The following SUMF1 variants were observed in gnomAD, a reference collection of about 807,000 sequenced individuals.
The protein encoded by SUMF1 is sulfatase modifying factor 1, also known as formylglycine-generating enzyme.
SUMF1 carries 48 observed loss-of-function variants against 47.6 expected under a neutral mutation model. The ratio of observed to expected loss-of-function variants is 1.01; its 90% confidence interval spans 0.80 to 1.28. The LOEUF is 1.28. Among genes scored for constraint, SUMF1 ranks in the 50% most tolerant of loss-of-function variants. SUMF1 has a pLI of 0.00. For synonymous variants in SUMF1, 230 were observed against 192.1 expected (o/e 1.20, Z -1.63); for missense variants, 571 against 485.4 (o/e 1.18, Z -1.66).
At chr3:4,299,503 T>A (rs1697921250) in intron 8 of SUMF1, among the ~76,000 whole-genome samples, 3 of 152,238 alleles carry the variant, frequency 2.0e-5, no homozygotes, top group Non-Finnish European at 2.9e-5. Flanking sequence ...AATTTATACA[T>A]ATCAAATGTT....
At chr3:4,337,183 GTCCCTCCC>G (rs112358792) in intron 8 of SUMF1, among the ~76,000 whole-genome samples, 96,838 of 129,112 alleles carry the variant, frequency 0.75, 36,633 homozygotes, top group African/African-American at 0.87. Context: ...TCTCTTTTCT[GTCCCTCCC>G]TCCCTCCCTC....
chr3:4,393,531 C>G (rs1284818777), intron 7 of SUMF1, among the ~76,000 whole-genome samples: 2 of 152,092 alleles, frequency 1.3e-5, no homozygotes, highest in African/African-American at 2.4e-5. Context: ...CAACATCTCA[C>G]TATATTGACC....
chr3:4,068,208 T>TTA (rs1415635909), intron 9 of SUMF1, among the ~76,000 whole-genome samples: 8 of 152,244 alleles, frequency 5.3e-5, no homozygotes, highest in Non-Finnish European at 2.9e-5. Context: ...AAATTAAAAC[T>TTA]TAAAGATTAT....
intron 8 of SUMF1, among the ~76,000 whole-genome samples, chr3:4,099,589 T>C (rs945637048): frequency 2.5e-4 from 38 of 152,078 alleles, no homozygotes; most frequent in African/African-American, 8.0e-4. Flanking sequence ...CTGTTTAACA[T>C]AGTACTAGAA....
intron 8 of SUMF1, among the ~76,000 whole-genome samples, chr3:4,093,363 A>G (rs983559435): frequency 2.0e-5 from 3 of 152,114 alleles, no homozygotes; most frequent in Non-Finnish European, 2.9e-5. Flanking sequence ...CTGGCCACAA[A>G]AACTCTCACT....
intron 8 of SUMF1, among the ~76,000 whole-genome samples, chr3:4,184,145 T>TAA (rs575408617): frequency 1.4e-4 from 20 of 139,934 alleles, no homozygotes; most frequent in Middle Eastern, 3.7e-3. Context: ...GAAAAAAAAT[T>TAA]AAAAAAAAAA....
chr3:4,161,918 C>T (rs1328266519), intron 8 of SUMF1, among the ~76,000 whole-genome samples: 2 of 152,028 alleles, frequency 1.3e-5, no homozygotes, highest in African/African-American at 4.8e-5. Context: ...CTGGGTCACA[C>T]TGGAAGCCAG....
At chr3:4,293,632 A>T (rs1174648140) in intron 8 of SUMF1, among the ~76,000 whole-genome samples, 3 of 152,194 alleles carry the variant, frequency 2.0e-5, no homozygotes, top group Non-Finnish European at 4.4e-5. Context: ...TAACATTCGA[A>T]TGTCACAAAG....
At chr3:4,398,838 A>G (rs1386892437) in intron 7 of SUMF1, among the ~76,000 whole-genome samples, 1 of 152,194 alleles carries the variant, frequency 6.6e-6, no homozygotes, top group Non-Finnish European at 1.5e-5. Context: ...CTGATTTAAC[A>G]TATGTGGCTT....
chr3:4,050,039 T>C (rs1695078722), intron 9 of SUMF1, among the ~76,000 whole-genome samples: 1 of 151,946 alleles, frequency 6.6e-6, no homozygotes, highest in African/African-American at 2.4e-5. Context: ...CCCACGCCAT[T>C]CTGCCACTTG....
chr3:4,449,213 C>T (rs989010572), intron 3 of SUMF1, 53 bp downstream of exon 3: 3 of 1,602,770 alleles, frequency 1.9e-6, no homozygotes, highest in African/African-American at 2.7e-5. Context: ...TTCACCCAAA[C>T]CCTTTTCAAT....
intron 8 of SUMF1, among the ~76,000 whole-genome samples, chr3:4,154,776 A>G (rs1007654971): frequency 1.3e-5 from 2 of 151,602 alleles, no homozygotes; most frequent in African/African-American, 4.9e-5. Flanking sequence ...TAAGAACTGC[A>G]TTGTAGGAGG....
chr3:4,179,735 C>T (rs1272688133), intron 8 of SUMF1, among the ~76,000 whole-genome samples: 4 of 152,112 alleles, frequency 2.6e-5, no homozygotes, highest in Non-Finnish European at 5.9e-5. Context: ...GCAAGAGAAA[C>T]TATCATCAGC....
rs542040073 is a variant in SUMF1, at chr3:4,046,577, T to C, written c.1191+21992A>G. Among the ~76,000 whole-genome samples the C allele has an allele frequency of 1.0e-3, 154 of 152,132 alleles. 2 individuals carry two copies. The highest frequency in any genetic ancestry group is 9.8e-3 in the Admixed American group (149 of 15,280). ...TCCAGTCATTCAAGGAAAAACACAATGGAGAAAACCATCCTCAACTACCCA... is the reference window on the plus strand; with the variant it reads ...TCCAGTCATTCAAGGAAAAACACAACGGAGAAAACCATCCTCAACTACCCA... On this transcript the variant is annotated intron_variant and NMD_transcript_variant, in intron 9 of 12. Coordinates refer to the SUMF1 transcript ENST00000448413.
chr3:4,307,703 G>C (rs979659893), intron 8 of SUMF1, among the ~76,000 whole-genome samples: 4 of 152,006 alleles, frequency 2.6e-5, no homozygotes, highest in Non-Finnish European at 4.4e-5. Context: ...TGATACATAC[G>C]AAGAAAAAGT....
chr3:4,333,886 T>C (rs1252917931), intron 8 of SUMF1, among the ~76,000 whole-genome samples: 1 of 151,958 alleles, frequency 6.6e-6, no homozygotes, highest in Non-Finnish European at 1.5e-5. Flanking sequence ...CCAGCACTTT[T>C]AGAGGCTGGG....
chr3:4,350,562 C>G (rs185401010), intron 8 of SUMF1, among the ~76,000 whole-genome samples: 15 of 152,114 alleles, frequency 9.9e-5, no homozygotes, highest in Non-Finnish European at 2.1e-4. Context: ...TTTATTTATG[C>G]TTTGAGTTTC....
chr3:4,150,777 G>A (rs1303067365), intron 8 of SUMF1, among the ~76,000 whole-genome samples: 1 of 151,454 alleles, frequency 6.6e-6, no homozygotes, highest in Non-Finnish European at 1.5e-5. Flanking sequence ...TATCATCATA[G>A]CTGGGCTGAG....
rs35911373 is a variant in SUMF1 at position 4,151,556 on chromosome 3, T to TACACACACAC, written c.1015-82821_1015-82812dup. On this transcript the variant is annotated intron_variant and NMD_transcript_variant, in intron 8 of 12. Coordinates refer to the SUMF1 transcript ENST00000448413. Reference sequence around the variant, plus strand: ...ATGTGTATATATATGTGTGTGTATATACACACACACACACACACACACACA... The same window carrying TACACACACAC: ...ATGTGTATATATATGTGTGTGTATATACACACACACACACACACACACACACACACACACA... Among the ~76,000 whole-genome samples the TACACACACAC allele has an allele frequency of 2.3e-3, 318 of 137,262 alleles. 10 individuals carry two copies. The highest frequency in any genetic ancestry group is 8.3e-3 in the African/African-American group (293 of 35,442). 90.0% of individuals were successfully genotyped at this position (137,262 alleles called of 152,430 possible). A position where few individuals can be genotyped will look rare whatever the true frequency, so the allele number is the denominator to read the frequency against.
Sources: allele counts gnomAD v4.1 joint callset (sites outside exome capture counted in the v4.1 genomes callset), GRCh38; gene constraint gnomAD v4.1.1; transcripts MANE v1.5; gene names NCBI Gene and HGNC (gene_info 2026-07-23, HGNC 2026-07-21).